SHISA5: variants seen among roughly 807,000 people sequenced by gnomAD.
SHISA5 encodes shisa family member 5.
SHISA5 carries 21 observed loss-of-function variants against 27.5 expected under a neutral mutation model. The ratio of observed to expected loss-of-function variants is 0.76; its 90% CI spans 0.54 to 1.10. SHISA5 has a LOEUF of 1.10. SHISA5 is among the 50% of genes least tolerant of loss of function. SHISA5 has a pLI of 0.00. For synonymous variants in SHISA5, 137 were observed against 142.2 expected (o/e 0.96, Z 0.26); for missense variants, 314 against 336.3 (o/e 0.93, Z 0.52).
intron 3 of SHISA5, among the ~76,000 whole-genome samples, chr3:48,471,331 CCCAGCACT>C (rs553923560): frequency 6.6e-6 from 1 of 152,000 alleles, no homozygotes. Context: ...TGCCTGTAAT[CCCAGCACT>C]TTGGGAGGCC....
chr3:48,468,293 A>G lies in SHISA5; in HGVS notation c.*814T>C, dbSNP rs1202726994. The G allele has an allele frequency of 9.8e-7, 1 of 1,020,498 alleles. No homozygotes were observed. Among genetic ancestry groups the G allele is most frequent in the Non-Finnish European group, 1.2e-6 (1 of 851,082 alleles). 63.2% of individuals were successfully genotyped at this position (1,020,498 alleles called of 1,614,324 possible). The stretch of plus-strand genomic sequence containing the variant: ...GAAAACACTGCAGGGAAGAGAACTG[A>G]GTGTGCTGGTGGACAGGAGCCCTGC... On this transcript the variant is annotated 3_prime_UTR_variant, in exon 6 of 6. Transcript: ENST00000296444.
rs138621521 is a variant in SHISA5, at chr3:48,475,936, C to T, written c.314+3241G>A. On this transcript the variant is annotated intron_variant, in intron 3 of 5. Transcript: ENST00000296444. ...AACCCTGAGCCCACAAATAGGGCCA[C>T]ACTATAACCCCTGCCATGGGTGGCA... 1.1e-4 allele frequency among the ~76,000 whole-genome samples: 16 copies of T among 152,346 alleles called. No individual in the cohort carries two copies. The East Asian group carries it at 2.9e-3, about 28-fold the overall frequency.
chr3:48,476,341 CAAAAAAA>C (rs1250491645), intron 3 of SHISA5, among the ~76,000 whole-genome samples: 4 of 62,342 alleles, frequency 6.4e-5, no homozygotes, highest in Admixed American at 3.8e-4. Flanking sequence ...AACTCCATCT[CAAAAAAA>C]AAAAAAAAAA....
intron 2 of SHISA5, among the ~76,000 whole-genome samples, chr3:48,496,327 C>A (rs1435820508): frequency 6.6e-6 from 1 of 151,480 alleles, no homozygotes; most frequent in Admixed American, 6.6e-5. Flanking sequence ...GGTGCAGTGG[C>A]TCATGCCTGT....
chr3:48,468,189 A>C lies in SHISA5; in HGVS notation c.*918T>G, dbSNP rs1397794814. On this transcript the variant is annotated 3_prime_UTR_variant, in exon 6 of 6. Coordinates refer to ENST00000296444, the MANE Select transcript of SHISA5 (RefSeq NM_016479.6). ...TCCATCTCTGAGCCAATTTCCCTCC[A>C]CAACCCAGGGGTTTCAGTCTCATAT... The C allele has an allele frequency of 1.0e-6, 1 of 1,000,316 alleles. No homozygotes were observed. Among genetic ancestry groups the C allele is most frequent in the African/African-American group, 1.7e-5 (1 of 57,402 alleles). 62.0% of individuals were successfully genotyped at this position (1,000,316 alleles called of 1,614,324 possible). A position where few individuals can be genotyped will look rare whatever the true frequency, so the allele number is the denominator to read the frequency against.
intron 2 of SHISA5, among the ~76,000 whole-genome samples, chr3:48,480,006 C>T (rs1268548011): frequency 6.6e-6 from 1 of 151,936 alleles, no homozygotes; most frequent in Admixed American, 6.6e-5. Context: ...CGGCTTCACA[C>T]CGTTCTCCTG....
chr3:48,487,451 T>G (rs2041285608), intron 2 of SHISA5, among the ~76,000 whole-genome samples: 1 of 152,222 alleles, frequency 6.6e-6, no homozygotes, highest in Non-Finnish European at 1.5e-5. Context: ...TTACAGTTTA[T>G]GGTTCATAGT....
chr3:48,470,607 C>T lies in SHISA5; in HGVS notation c.315-764G>A, dbSNP rs893031623. Among the ~76,000 whole-genome samples the T allele has an allele frequency of 1.3e-5, 2 of 152,202 alleles. No individual in the cohort carries two copies. The highest frequency in any genetic ancestry group is 4.8e-5 in the African/African-American group (2 of 41,454). ...CCAGAGGGCCTGCCCTTTGAGAAAG[C>T]AGGCCCTGGGCTGGGAAGCTCACCA... is the stretch of plus-strand genomic sequence containing the variant. On this transcript the variant is annotated intron_variant, in intron 3 of 5. Transcript: ENST00000296444. The surrounding 1 kb of genome is among the most constrained non-coding windows in gnomAD (Gnocchi z 4.3).
intron 3 of SHISA5, chr3:48,476,801 G>A: frequency 4.3e-6 from 1 of 230,626 alleles, no homozygotes; most frequent in Non-Finnish European, 8.9e-6. Context: ...CGCGGGAGGG[G>A]GAGCATCACT....
At chr3:48,477,104 GAAAAA>G in intron 3 of SHISA5, 2 of 327,378 alleles carry the variant, frequency 6.1e-6, no homozygotes, top group East Asian at 9.0e-5. Context: ...ATAACATTGA[GAAAAA>G]AAAAAAAAAA....
intron 3 of SHISA5, among the ~76,000 whole-genome samples, chr3:48,475,246 G>A (rs1408732834): frequency 1.3e-5 from 2 of 152,160 alleles, no homozygotes; most frequent in Non-Finnish European, 2.9e-5. Flanking sequence ...TGCAGAGCGG[G>A]GCTAGGGTAC....
intron 3 of SHISA5, among the ~76,000 whole-genome samples, chr3:48,472,660 A>G (rs930210509): frequency 3.9e-5 from 6 of 152,012 alleles, no homozygotes; most frequent in African/African-American, 1.5e-4. Flanking sequence ...CCTCTGCCCA[A>G]CAGAGGCCCA....
chr3:48,484,675 TGAGGTCAG>T (rs1175935219), intron 2 of SHISA5, among the ~76,000 whole-genome samples: 1 of 152,028 alleles, frequency 6.6e-6, no homozygotes, highest in Non-Finnish European at 1.5e-5. Flanking sequence ...GCAGATCACC[TGAGGTCAG>T]GAGTTTGAGA....
At chr3:48,491,149 C>T (rs968309097) in intron 2 of SHISA5, among the ~76,000 whole-genome samples, 3 of 135,644 alleles carry the variant, frequency 2.2e-5, no homozygotes, top group Non-Finnish European at 4.6e-5. Flanking sequence ...GATGGAGTCT[C>T]GCTCTGTCGC....
rs560962550 is a variant in SHISA5, at chr3:48,479,203, G to A, written c.288C>T (p.Arg96=). Residue 96 remains arginine, a synonymous_variant, in exon 3 of 6, where the codon CGC becomes CGT. Transcript: ENST00000296444. ...VEQLGSALRF[R]PGYNDPMSGF... is the part of the protein sequence containing the mutation. ...CTGACATGGGGTCGTTGTAGCCAGG[G>A]CGAAACCTCAGCGCCGAGCCCAGCT... 3.1e-6 allele frequency: 5 copies of A among 1,610,658 alleles called. 1 individual carries two copies. In the South Asian group the frequency reaches 5.5e-5, roughly 18 times the overall value.
At chr3:48,493,044 G>A (rs1575328171) in intron 2 of SHISA5, among the ~76,000 whole-genome samples, 2 of 147,606 alleles carry the variant, frequency 1.4e-5, no homozygotes, top group African/African-American at 5.4e-5. Flanking sequence ...CTTTCCTCAT[G>A]TTTCACTAAG....
chr3:48,503,621 T>G, intron 1 of SHISA5: 1 of 826,476 alleles, frequency 1.2e-6, no homozygotes, highest in Non-Finnish European at 1.5e-6. Flanking sequence ...CGGTGGGGGC[T>G]CCCAGACATT....
At chr3:48,487,130 GCACACA>G (rs34974602) in intron 2 of SHISA5, among the ~76,000 whole-genome samples, 5 of 148,222 alleles carry the variant, frequency 3.4e-5, no homozygotes, top group Non-Finnish European at 6.0e-5. Context: ...ACACGCACAC[GCACACA>G]CACACACACA....
rs918756934 is a variant in SHISA5 at position 48,470,468 on chromosome 3, C to T, written c.315-625G>A. Among the ~76,000 whole-genome samples, 2 of 152,202 alleles carry T rather than the reference C, an allele frequency of 1.3e-5. No individual in the cohort carries two copies. The highest frequency in any genetic ancestry group is 4.8e-5 in the African/African-American group (2 of 41,456). On this transcript the variant is annotated intron_variant, in intron 3 of 5. Coordinates refer to ENST00000296444, the MANE Select transcript of SHISA5 (RefSeq NM_016479.6). The surrounding 1 kb of genome is among the most constrained non-coding windows in gnomAD (Gnocchi z 4.3). ...TGCAAGCTTGCTGTATGCCAAGCAC[C>T]GTGCCAGGGGTCACACACACCCCTG... is the stretch of plus-strand genomic sequence containing the variant.
Sources: allele counts gnomAD v4.1 joint callset (sites outside exome capture counted in the v4.1 genomes callset), GRCh38; gene constraint gnomAD v4.1.1; non-coding constraint Gnocchi (gnomAD v3.1); transcripts MANE v1.5; gene names NCBI Gene and HGNC (gene_info 2026-07-23, HGNC 2026-07-21).